Variants in DOCK7 observed in about 807,000 individuals in gnomAD.
The protein encoded by DOCK7 is dedicator of cytokinesis 7.
In DOCK7, 138 loss-of-function variants were observed where a neutral mutation model predicts 271.0. The ratio of observed to expected loss-of-function variants is 0.51; its 90% CI spans 0.44 to 0.59. The LOEUF is 0.59. Ranked by LOEUF, DOCK7 falls within the 20% of genes least tolerant of loss-of-function variation. The pLI, the probability that DOCK7 is intolerant of heterozygous loss-of-function variation, is 0.00. For synonymous variants in DOCK7, 823 were observed against 876.1 expected (o/e 0.94, Z 1.07); for missense variants, 2,066 against 2,592.4 (o/e 0.80, Z 4.41).
chr1:62,608,955 T>TA (rs1651395951), intron 14 of DOCK7: 2 of 152,222 alleles, frequency 1.3e-5, no homozygotes, highest in Non-Finnish European at 2.9e-5. Flanking sequence ...TGTACTCATA[T>TA]ATACTCTACC....
chr1:62,460,365 T>C (rs780972502), intron 48 of DOCK7, among the ~76,000 whole-genome samples: 2 of 152,132 alleles, frequency 1.3e-5, no homozygotes, highest in Non-Finnish European at 2.9e-5. Flanking sequence ...GTGTTGAACA[T>C]GTACAGACTT....
At chr1:62,550,990 G>A (rs1250062674) in intron 22 of DOCK7, among the ~76,000 whole-genome samples, 1 of 152,048 alleles carries the variant, frequency 6.6e-6, no homozygotes, top group Non-Finnish European at 1.5e-5. Context: ...TGAAGTGCTG[G>A]GATTACAGGC....
rs1653793448 is a variant in DOCK7, at chr1:62,625,247, A to T, written c.1425+12T>A. On this transcript the variant is annotated intron_variant, in intron 12 of 49. Transcript: ENST00000635253. Reference sequence around the variant, plus strand: ...AACATCTCCCCAAAATTCCTACATGACAGAACAATACCTGCTTAAAAAAAT... The same window carrying T: ...AACATCTCCCCAAAATTCCTACATGTCAGAACAATACCTGCTTAAAAAAAT... The T allele has an allele frequency of 1.2e-6, 2 of 1,612,624 alleles. No individual in the cohort carries two copies. Among genetic ancestry groups the T allele is most frequent in the Non-Finnish European group, 1.7e-6 (2 of 1,179,518 alleles).
chr1:62,601,012 C>T (rs2149533522), intron 14 of DOCK7: 1 of 903,180 alleles, frequency 1.1e-6, no homozygotes, highest in Non-Finnish European at 1.9e-6. Context: ...CTTCTGACAT[C>T]CTTACTCAGA....
At position 62,508,837 on chromosome 1, in the gene DOCK7, T is replaced by C. The variant is rs546071436; in HGVS notation, c.4380-779A>G. On this transcript the variant is annotated intron_variant, in intron 34 of 49. Transcript: ENST00000635253. ...AAGTATCATTTAATGCAAATAAAAA[T>C]GTAAGAATAATTACACATGATTTAT... Among the ~76,000 whole-genome samples, 8 of 152,262 alleles carry C rather than the reference T, an allele frequency of 5.3e-5. No homozygotes were observed. In the South Asian group the frequency reaches 1.7e-3, roughly 32 times the overall value.
chr1:62,502,035 A>G (rs1323560497), intron 37 of DOCK7, among the ~76,000 whole-genome samples: 1 of 152,192 alleles, frequency 6.6e-6, no homozygotes, highest in Non-Finnish European at 1.5e-5. Flanking sequence ...GAAAGGAATT[A>G]AAAATTAATT....
At chr1:62,671,923 T>C (rs1660054970) in intron 1 of DOCK7, among the ~76,000 whole-genome samples, 1 of 150,916 alleles carries the variant, frequency 6.6e-6, no homozygotes, top group African/African-American at 2.4e-5. Flanking sequence ...TTACATAAAG[T>C]TACTATGAGA....
Position 62,578,975 on chromosome 1 carries a change from A to C in DOCK7, c.1872-9T>G, listed in dbSNP as rs76993474. ...CATGAAAATCAGGAGACCTTCATACAAAAAAAAAAAAAAATCAACAGTCAG... is the reference window on the plus strand; with the variant it reads ...CATGAAAATCAGGAGACCTTCATACCAAAAAAAAAAAAAATCAACAGTCAG... On this transcript the variant is annotated splice_polypyrimidine_tract_variant and intron_variant, in intron 16 of 49. Coordinates refer to ENST00000635253, the MANE Select transcript of DOCK7 (RefSeq NM_001367561.1). 4.3e-5 allele frequency: 8 copies of C among 187,152 alleles called. No homozygotes were observed. The highest frequency in any genetic ancestry group is 7.0e-5 in the Admixed American group (1 of 14,250). The allele number at this position is 187,152 out of a possible 1,614,324, so 11.6% of individuals were successfully genotyped here.
At chr1:62,619,812 T>A (rs78050002) in intron 13 of DOCK7, 88 bp downstream of exon 13, 5 of 621,728 alleles carry the variant, frequency 8.0e-6, no homozygotes, top group African/African-American at 4.0e-5. Flanking sequence ...GCCAGATAAA[T>A]AAAAAAAAAA....
chr1:62,639,234 A>G (rs1655672130), intron 7 of DOCK7, among the ~76,000 whole-genome samples: 1 of 152,086 alleles, frequency 6.6e-6, no homozygotes, highest in African/African-American at 2.4e-5. Flanking sequence ...ATTCAGCTAA[A>G]AATAAACAAA....
intron 14 of DOCK7, 119 bp downstream of exon 14, chr1:62,618,587 G>C (rs547395653): frequency 2.4e-6 from 2 of 842,200 alleles, no homozygotes; most frequent in East Asian, 5.4e-5. Flanking sequence ...TGTGCGGTAA[G>C]AGATAGAGTT....
intron 14 of DOCK7, among the ~76,000 whole-genome samples, chr1:62,596,628 T>C (rs900760507): frequency 1.3e-5 from 2 of 152,062 alleles, no homozygotes; most frequent in African/African-American, 4.8e-5. Context: ...GGGCAATACA[T>C]TAAGACATCA....
At chr1:62,518,761 A>G (rs1644753292) in intron 31 of DOCK7, among the ~76,000 whole-genome samples, 1 of 151,912 alleles carries the variant, frequency 6.6e-6, no homozygotes, top group South Asian at 2.1e-4. Flanking sequence ...CAACAACAAG[A>G]AGTCAATAAA....
At chr1:62,497,481 A>C (rs1285946166) in intron 37 of DOCK7, among the ~76,000 whole-genome samples, 1 of 152,150 alleles carries the variant, frequency 6.6e-6, no homozygotes, top group Non-Finnish European at 1.5e-5. Context: ...TAAAAAAGTG[A>C]TACTATTCTT....
At chr1:62,546,033 C>A (rs566240077) in intron 22 of DOCK7, among the ~76,000 whole-genome samples, 8 of 152,164 alleles carry the variant, frequency 5.3e-5, no homozygotes, top group Non-Finnish European at 1.0e-4. Flanking sequence ...CAAAGACAAT[C>A]GAAGACAAGC....
intron 1 of DOCK7, among the ~76,000 whole-genome samples, chr1:62,664,821 C>A (rs191642811): frequency 6.7e-6 from 1 of 148,902 alleles, no homozygotes; most frequent in African/African-American, 2.5e-5. Context: ...GGGAGGAAGA[C>A]AACAGCACCA....
At chr1:62,588,110 T>A (rs201667561) in intron 14 of DOCK7, among the ~76,000 whole-genome samples, 2 of 152,322 alleles carry the variant, frequency 1.3e-5, no homozygotes, top group East Asian at 3.9e-4. Context: ...AGAACTGTTA[T>A]GACTGGTCAG....
Position 62,477,993 on chromosome 1 carries a change from C to T in DOCK7, c.5509-168G>A, listed in dbSNP as rs1378207369. On this transcript the variant is annotated intron_variant, in intron 43 of 49. Transcript: ENST00000635253. ...GGTTTAAACAAAGTAAACAGTCTTT[C>T]CTTTTTCATTATTTCTAACAAATAA... 8.3e-6 allele frequency: 6 copies of T among 719,062 alleles called. No homozygotes were observed. The East Asian group carries it at 9.3e-5, about 11-fold the overall frequency. The allele number at this position is 719,062 out of a possible 1,614,324, so 44.5% of individuals were successfully genotyped here.
In DOCK7 at chr1:62,688,275, G is replaced by A; in HGVS notation, c.-11C>T. 7.8e-7 allele frequency: 1 copy of A among 1,289,838 alleles called. No homozygotes were observed. Among genetic ancestry groups the A allele is most frequent in the Non-Finnish European group, 9.9e-7 (1 of 1,011,124 alleles). 79.9% of individuals were successfully genotyped at this position (1,289,838 alleles called of 1,614,324 possible). A position where few individuals can be genotyped will look rare whatever the true frequency, so the allele number is the denominator to read the frequency against. On this transcript the variant is annotated 5_prime_UTR_variant, in exon 1 of 50. Transcript: ENST00000635253. ...GCGGCGCTCGGCCATGGCTGCTGCG[G>A]CGACGGCGACGGCGGCGGCGGCTGC...
Sources: gnomAD v4.1 joint callset for allele counts (sites outside exome capture counted in the v4.1 genomes callset) on GRCh38, gnomAD v4.1.1 for gene constraint, MANE v1.5 for transcripts, NCBI Gene and HGNC (gene_info 2026-07-23, HGNC 2026-07-21) for gene names.